The following PAK2 variants were observed in gnomAD, a reference collection of about 807,000 sequenced individuals.
PAK2 encodes the protein serine/threonine-protein kinase PAK 2.
In PAK2, 21 loss-of-function variants were observed where a neutral mutation model predicts 65.9. The ratio of observed to expected loss-of-function variants is 0.32; its 90% CI spans 0.23 to 0.46. The LOEUF (loss-of-function observed/expected upper bound fraction) is 0.46. Among genes scored for constraint, PAK2 ranks in the 20% least tolerant of loss-of-function variants. The pLI is 1.00. For synonymous variants in PAK2, 204 were observed against 219.7 expected (o/e 0.93, Z 0.63); for missense variants, 324 against 642.6 (o/e 0.50, Z 5.36).
intron 1 of PAK2, among the ~76,000 whole-genome samples, chr3:196,770,692 G>A (rs1335456474): frequency 1.3e-5 from 2 of 150,996 alleles, no homozygotes; most frequent in Non-Finnish European, 2.9e-5. Flanking sequence ...GCACCATCTC[G>A]GCTCACTGTA....
At position 196,829,567 on chromosome 3, in the gene PAK2, T is replaced by A. The variant is rs1407479600; in HGVS notation, c.*1162T>A. On this transcript the variant is annotated 3_prime_UTR_variant, in exon 15 of 15. Transcript: ENST00000327134. Reference sequence around the variant, plus strand: ...ATACAGTGAGAAGAGATTATACTCATGAAAGAGAATGTTAGTGTTACAGAG... The same window carrying A: ...ATACAGTGAGAAGAGATTATACTCAAGAAAGAGAATGTTAGTGTTACAGAG... 6.6e-6 allele frequency: 1 copy of A among 152,124 alleles called. No individual in the cohort carries two copies. The highest frequency in any genetic ancestry group is 1.5e-5 in the Non-Finnish European group (1 of 68,036). The allele number at this position is 152,124 out of a possible 1,614,324, so 9.4% of individuals were successfully genotyped here. A position where few individuals can be genotyped will look rare whatever the true frequency, so the allele number is the denominator to read the frequency against.
rs6804618 is a variant in PAK2, at chr3:196,828,527, A to G, written c.*122A>G. On this transcript the variant is annotated 3_prime_UTR_variant, in exon 15 of 15. Transcript: ENST00000327134. ...TCTGCATAACCTGAATGAAAGAAGC[A>G]AATGACTATTCTCTGAAGACAACCA... 7.3e-3 allele frequency: 5,061 copies of G among 695,146 alleles called. 108 individuals carry two copies. Among genetic ancestry groups the G allele is most frequent in the African/African-American group, 0.056 (3,032 of 54,456 alleles). The allele number at this position is 695,146 out of a possible 1,614,324, so 43.1% of individuals were successfully genotyped here. A position where few individuals can be genotyped will look rare whatever the true frequency, so the allele number is the denominator to read the frequency against.
intron 1 of PAK2, among the ~76,000 whole-genome samples, chr3:196,751,248 C>T (rs1206033340): frequency 1.3e-5 from 2 of 152,108 alleles, no homozygotes; most frequent in East Asian, 3.8e-4. Flanking sequence ...AATCCAAAAT[C>T]CGAAATGCTC....
intron 2 of PAK2, among the ~76,000 whole-genome samples, chr3:196,799,686 G>A (rs1715360011): frequency 6.6e-6 from 1 of 152,158 alleles, no homozygotes; most frequent in South Asian, 2.1e-4. Flanking sequence ...GCAGTCTCAC[G>A]CTGTGACTCA....
intron 2 of PAK2, among the ~76,000 whole-genome samples, chr3:196,786,374 G>A (rs1262035355): frequency 6.6e-6 from 1 of 151,836 alleles, no homozygotes; most frequent in Non-Finnish European, 1.5e-5. Context: ...TGTTGGCCAG[G>A]CTGGTCTTGA....
chr3:196,742,147 G>GT (rs1475499884), intron 1 of PAK2, among the ~76,000 whole-genome samples: 1 of 149,216 alleles, frequency 6.7e-6, no homozygotes, highest in African/African-American at 2.5e-5. Context: ...CCAGGCTGGA[G>GT]TGCAATGGTG....
chr3:196,819,029 G>A (rs772232614), intron 12 of PAK2, among the ~76,000 whole-genome samples: 2 of 152,132 alleles, frequency 1.3e-5, no homozygotes, highest in South Asian at 2.1e-4. Context: ...CTTACATACC[G>A]CAGTAAGTAC....
At chr3:196,753,787 T>C (rs945374800) in intron 1 of PAK2, among the ~76,000 whole-genome samples, 2 of 152,230 alleles carry the variant, frequency 1.3e-5, no homozygotes, top group Admixed American at 6.5e-5. Flanking sequence ...GAATTTTCCT[T>C]TTTCTTTTTT....
Position 196,820,803 on chromosome 3 carries a change from A to C in PAK2, c.1350+236A>C, listed in dbSNP as rs961204830. ...GTATTGTTTTGTATTTTACGTAGGA[A>C]GTTTGGAGCACCTGTCTCTAAAGCT... On this transcript the variant is annotated intron_variant, in intron 13 of 14. Coordinates refer to ENST00000327134, the MANE Select transcript of PAK2 (RefSeq NM_002577.4). The surrounding 1 kb of genome is among the most constrained non-coding windows in gnomAD (Gnocchi z 4.6). 2.6e-5 allele frequency among the ~76,000 whole-genome samples: 4 copies of C among 152,142 alleles called. No homozygotes were observed.
At chr3:196,777,755 C>T (rs1290498976) in intron 1 of PAK2, among the ~76,000 whole-genome samples, 2 of 152,222 alleles carry the variant, frequency 1.3e-5, no homozygotes, top group African/African-American at 4.8e-5. Flanking sequence ...TGAACTCTTA[C>T]AGAGGACTCA....
intron 13 of PAK2, among the ~76,000 whole-genome samples, chr3:196,821,374 A>G (rs938528061): frequency 6.6e-6 from 1 of 151,604 alleles, no homozygotes; most frequent in African/African-American, 2.4e-5. Flanking sequence ...ACACTTCACA[A>G]CTACTAGAAT....
intron 4 of PAK2, 140 bp from the exon 5 acceptor site, chr3:196,805,212 C>T (rs571233954): frequency 1.4e-5 from 8 of 572,064 alleles, no homozygotes; most frequent in African/African-American, 4.0e-5. Context: ...TGACTACTTG[C>T]GTGTTCATTT....
intron 1 of PAK2, among the ~76,000 whole-genome samples, chr3:196,740,909 A>G (rs1208280539): frequency 6.6e-6 from 1 of 151,824 alleles, no homozygotes; most frequent in Non-Finnish European, 1.5e-5. Context: ...AATTCTTTAA[A>G]GATAAGTCAT....
chr3:196,791,194 A>T lies in PAK2; in HGVS notation c.187+8361A>T, dbSNP rs181182769. Among the ~76,000 whole-genome samples, 301 of 152,326 alleles carry T rather than the reference A, an allele frequency of 2.0e-3. No homozygotes were observed. The highest frequency in any genetic ancestry group is 6.5e-3 in the African/African-American group (270 of 41,582). On this transcript the variant is annotated intron_variant, in intron 2 of 14. Coordinates refer to ENST00000327134, the MANE Select transcript of PAK2 (RefSeq NM_002577.4). The surrounding 1 kb of genome is among the most constrained non-coding windows in gnomAD (Gnocchi z 4.0). ...GTTGGTATAGCAATATCTTTCCAGC[A>T]CATTGTTCAATTCCAGACATGCTTT... is the stretch of plus-strand genomic sequence containing the variant.
intron 13 of PAK2, among the ~76,000 whole-genome samples, chr3:196,823,543 GCAAA>G (rs200749102): frequency 7.3e-4 from 111 of 151,616 alleles, no homozygotes; most frequent in African/African-American, 1.9e-3. Flanking sequence ...CTGGATCCCC[GCAAA>G]CAAACAAACA....
chr3:196,811,217 C>CT lies in PAK2; in HGVS notation c.773+565dup, dbSNP rs1560113562. On this transcript the variant is annotated intron_variant, in intron 8 of 14. Coordinates refer to ENST00000327134, the MANE Select transcript of PAK2 (RefSeq NM_002577.4). ...TTCCTTCCTCCCTTCCTTCCCTTCC[C>CT]TCCCTCCCTTCCCTTCCCTTCCTTC... Among the ~76,000 whole-genome samples, 3 of 5,396 alleles carry CT rather than the reference C, an allele frequency of 5.6e-4. 1 individual carries two copies. The highest frequency in any genetic ancestry group is 2.9e-3 in the African/African-American group (3 of 1,042). The allele number at this position is 5,396 out of a possible 152,430, so 3.5% of individuals were successfully genotyped here.
rs1396178751 is a variant in PAK2, at chr3:196,807,855, C to T, written c.650C>T (p.Ser217Phe). The change falls in exon 7 of 15, where the codon TCT (serine) becomes TTT (phenylalanine). Residue 217 changes from serine to phenylalanine, a missense_variant. Physicochemically the swap from Ser to Phe is radical, Grantham distance 155. Around this residue, in one of 5 missense-constraint regions of PAK2, gnomAD observed 183 missense variants for 246.2 expected, o/e 0.74. Coordinates refer to ENST00000327134, the MANE Select transcript of PAK2 (RefSeq NM_002577.4). ...TCACATGTTGATGGTGCTGCCAAGT[C>T]TTTAGACAAACAGAAAAAGAAGACT... is the stretch of plus-strand genomic sequence containing the variant. Reference protein sequence around the residue: ...GDSHVDGAAKSLDKQKKKTKM... With the variant: ...GDSHVDGAAKFLDKQKKKTKM... The T allele has an allele frequency of 6.2e-7, 1 of 1,611,488 alleles. No individual in the cohort carries two copies. The highest frequency in any genetic ancestry group is 8.5e-7 in the Non-Finnish European group (1 of 1,178,052).
In PAK2 at chr3:196,759,498, G is replaced by GTTTTTTTTTTTTTTTTTTTTTTTT. The variant is rs71301221; in HGVS notation, c.-22+19357_-22+19380dup. Among the ~76,000 whole-genome samples the GTTTTTTTTTTTTTTTTTTTTTTTT allele has an allele frequency of 1.1e-4, 12 of 108,158 alleles. 1 individual carries two copies. The highest frequency in any genetic ancestry group is 1.3e-4 in the Non-Finnish European group (7 of 55,422). The allele number at this position is 108,158 out of a possible 152,430, so 71.0% of individuals were successfully genotyped here. On this transcript the variant is annotated intron_variant, in intron 1 of 14. Coordinates refer to ENST00000327134, the MANE Select transcript of PAK2 (RefSeq NM_002577.4). ...GGTATACAGTTAAGTGGTTTTTTTT[G>GTTTTTTTTTTTTTTTTTTTTTTTT]TTTTTTTTTTTTTTTTTTTTTTTTT...
At chr3:196,757,456 T>C (rs1228579413) in intron 1 of PAK2, among the ~76,000 whole-genome samples, 1 of 152,224 alleles carries the variant, frequency 6.6e-6, no homozygotes, top group Non-Finnish European at 1.5e-5. Context: ...GCTTAGTAAC[T>C]TCTAGTGTGA....
Sources: allele counts gnomAD v4.1 joint callset (sites outside exome capture counted in the v4.1 genomes callset), GRCh38; gene constraint gnomAD v4.1.1; regional missense constraint gnomAD v4.1.1; non-coding constraint Gnocchi (gnomAD v3.1); transcripts MANE v1.5; gene names NCBI Gene and HGNC (gene_info 2026-07-23, HGNC 2026-07-21).